RBFOX1: variants seen among roughly 807,000 people sequenced by gnomAD.
RBFOX1 encodes RNA binding protein fox-1 homolog 1.
Under a neutral mutation model 57.7 loss-of-function variants are expected in RBFOX1, and 8 were observed. The observed-to-expected ratio is 0.14, with a 90% CI of 0.08 to 0.25. The LOEUF is 0.25. Ranked by LOEUF, RBFOX1 falls within the 10% of genes least tolerant of loss-of-function variation. The probability of loss-of-function intolerance (pLI) is 1.00; values close to 1 mark genes in which losing one functional copy is unlikely to be tolerated. For missense variants in RBFOX1, 611 were observed against 548.5 expected (o/e 1.11, Z -1.14); for synonymous variants, 326 against 222.4 (o/e 1.47, Z -4.15).
chr16:7,320,553 T>C (rs1481653326), intron 4 of RBFOX1, among the ~76,000 whole-genome samples: 2 of 152,226 alleles, frequency 1.3e-5, no homozygotes, highest in African/African-American at 2.4e-5. Context: ...ACAACCACTT[T>C]TGTACTAGTC....
At position 7,591,030 on chromosome 16, in the gene RBFOX1, G is replaced by A. The variant is rs542283080; in HGVS notation, c.468+3730G>A. Among the ~76,000 whole-genome samples, 7 of 152,246 alleles carry A rather than the reference G, an allele frequency of 4.6e-5. No homozygotes were observed. The South Asian group carries it at 1.5e-3, about 32-fold the overall frequency. ...AGATGGACTAGGAAGATGAGTGACT[G>A]CAGTAGCCTGTGCTGTTCTGCGGTG... On this transcript the variant is annotated intron_variant, in intron 7 of 15. Coordinates refer to ENST00000550418, the MANE Select transcript of RBFOX1 (RefSeq NM_018723.4).
intron 2 of RBFOX1, among the ~76,000 whole-genome samples, chr16:6,375,190 A>G (rs1430407092): frequency 6.6e-6 from 1 of 152,148 alleles, no homozygotes; most frequent in African/African-American, 2.4e-5. Context: ...ACCAACTGCA[A>G]GAGGGTATTT....
At chr16:7,314,072 A>T (rs954945345) in intron 4 of RBFOX1, among the ~76,000 whole-genome samples, 1 of 152,064 alleles carries the variant, frequency 6.6e-6, no homozygotes, top group African/African-American at 2.4e-5. Flanking sequence ...ATTTTGTTTA[A>T]TGAATTGCAA....
intron 1 of RBFOX1, among the ~76,000 whole-genome samples, chr16:6,228,632 T>C (rs2097434927): frequency 6.6e-6 from 1 of 151,960 alleles, no homozygotes; most frequent in African/African-American, 2.4e-5. Flanking sequence ...AGAAACAGAG[T>C]AAAATGGTGG....
At chr16:6,538,379 C>T (rs546870831) in intron 2 of RBFOX1, among the ~76,000 whole-genome samples, 1 of 152,134 alleles carries the variant, frequency 6.6e-6, no homozygotes, top group Admixed American at 6.6e-5. Flanking sequence ...GTGGTCCCAG[C>T]TACTTGGGTG....
chr16:7,227,280 A>ACCC lies in RBFOX1; in HGVS notation c.27+175184_27+175186dup, dbSNP rs1374051082. Reference sequence around the variant, plus strand: ...GTTCTCACTGTCACATACCACACACACCCCACCCCACCCCCACACACACAC... The same window carrying ACCC: ...GTTCTCACTGTCACATACCACACACACCCCCCCACCCCACCCCCACACACACAC... On this transcript the variant is annotated intron_variant, in intron 4 of 15. Coordinates refer to ENST00000550418, the MANE Select transcript of RBFOX1 (RefSeq NM_018723.4). Among the ~76,000 whole-genome samples, 662 of 89,110 alleles carry ACCC rather than the reference A, an allele frequency of 7.4e-3. 1 individual carries two copies. Among genetic ancestry groups the ACCC allele is most frequent in the East Asian group, 0.016 (26 of 1,648 alleles). 58.5% of individuals were successfully genotyped at this position (89,110 alleles called of 152,430 possible).
chr16:5,321,205 A>G (rs1019888749), intron 1 of RBFOX1, among the ~76,000 whole-genome samples: 6 of 152,342 alleles, frequency 3.9e-5, no homozygotes, highest in Non-Finnish European at 4.4e-5. Flanking sequence ...GATGCCAGTA[A>G]TACCACCAAC....
chr16:6,203,697 C>G (rs2097232458), intron 1 of RBFOX1, among the ~76,000 whole-genome samples: 1 of 152,162 alleles, frequency 6.6e-6, no homozygotes, highest in South Asian at 2.1e-4. Flanking sequence ...CAGATGATAA[C>G]AAGCGTTGGT....
rs572195607 is a variant in RBFOX1, at chr16:7,303,059, G to A, written c.28-215088G>A. On this transcript the variant is annotated intron_variant, in intron 4 of 15. Transcript: ENST00000550418. ...GTGCATTTATAATTTGAGAGGAGCG[G>A]GTGTTCTGGGCTGGGAGAAGCCCCC... 4.6e-3 allele frequency among the ~76,000 whole-genome samples: 704 copies of A among 152,316 alleles called. 2 individuals are homozygous for A. Among genetic ancestry groups the A allele is most frequent in the African/African-American group, 0.016 (654 of 41,572 alleles).
chr16:7,402,478 G>C (rs543077875), intron 4 of RBFOX1, among the ~76,000 whole-genome samples: 1 of 152,182 alleles, frequency 6.6e-6, no homozygotes, highest in African/African-American at 2.4e-5. Context: ...GAGAATTTCT[G>C]CCGAGAGATA....
rs1162129775 is a variant in RBFOX1, at chr16:6,202,777, G to A, written c.-126-114218G>A. Among the ~76,000 whole-genome samples the A allele has an allele frequency of 5.9e-5, 9 of 152,010 alleles. No homozygotes were observed. In the East Asian group the frequency reaches 1.7e-3, roughly 29 times the overall value. On this transcript the variant is annotated intron_variant, in intron 1 of 15. Transcript: ENST00000550418. ...CGTTCTTTATGTAATTTATTTTTTA[G>A]TATTGATTTTTCTTTTCATTTTGTT...
chr16:5,431,296 A>T (rs141268259), intron 1 of RBFOX1, among the ~76,000 whole-genome samples: 25 of 152,190 alleles, frequency 1.6e-4, no homozygotes, highest in Non-Finnish European at 7.3e-5. Context: ...TCCAGTGTCT[A>T]TTTCAACCGT....
intron 1 of RBFOX1, among the ~76,000 whole-genome samples, chr16:6,210,346 A>AAC (rs2097286085): frequency 1.8e-5 from 1 of 55,120 alleles, no homozygotes; most frequent in Non-Finnish European, 6.2e-5. Flanking sequence ...ACAAAAAAAC[A>AAC]AAAAAAAAAA....
At chr16:6,838,767 G>T (rs1454828221) in intron 3 of RBFOX1, among the ~76,000 whole-genome samples, 1 of 152,090 alleles carries the variant, frequency 6.6e-6, no homozygotes, top group Non-Finnish European at 1.5e-5. Context: ...GTCTCAATTA[G>T]TGTCATACAA....
chr16:5,928,103 T>G (rs924242455), intron 4 of RBFOX1, among the ~76,000 whole-genome samples: 1 of 152,182 alleles, frequency 6.6e-6, no homozygotes, highest in Non-Finnish European at 1.5e-5. Context: ...TATTTATTTT[T>G]TATTTTTTGA....
In RBFOX1 at chr16:5,400,108, T is replaced by C. The variant is rs1405086974; in HGVS notation, c.220-67108T>C. 6.0e-5 allele frequency among the ~76,000 whole-genome samples: 9 copies of C among 149,192 alleles called. 1 individual carries two copies. The South Asian group carries it at 1.5e-3, about 25-fold the overall frequency. ...CTTTTTTCTTTTCTTTCTTTCTTTC[T>C]TTTTTTTTTGAGACAGAGTCTCGCT... On this transcript the variant is annotated intron_variant, in intron 1 of 2. Coordinates refer to the RBFOX1 transcript ENST00000585867.
rs2062108186 is a variant in RBFOX1, at chr16:7,098,659, G to A, written c.27+46561G>A. Among the ~76,000 whole-genome samples, 3 of 152,104 alleles carry A rather than the reference G, an allele frequency of 2.0e-5. No homozygotes were observed. In the South Asian group the frequency reaches 6.2e-4, roughly 32 times the overall value. ...ATAGGACATTAGAGTGGTTAAAATA[G>A]TGATGATCTTGGCTGGGTGGTGGCT... On this transcript the variant is annotated intron_variant, in intron 4 of 15. Transcript: ENST00000550418.
chr16:7,178,492 T>C (rs1273595174), intron 4 of RBFOX1, among the ~76,000 whole-genome samples: 4 of 152,214 alleles, frequency 2.6e-5, no homozygotes, highest in Non-Finnish European at 5.9e-5. Flanking sequence ...TCAATTGATG[T>C]ATCGATTGAC....
intron 4 of RBFOX1, among the ~76,000 whole-genome samples, chr16:7,438,954 A>G (rs1191735289): frequency 6.6e-6 from 1 of 152,222 alleles, no homozygotes; most frequent in Non-Finnish European, 1.5e-5. Context: ...TTCAGAAGTC[A>G]GCCCAGTGAG....
Sources: allele counts gnomAD v4.1 joint callset (sites outside exome capture counted in the v4.1 genomes callset), GRCh38; gene constraint gnomAD v4.1.1; transcripts MANE v1.5; gene names NCBI Gene and HGNC (gene_info 2026-07-23, HGNC 2026-07-21).